The following ZDHHC19 variants were observed in gnomAD, a reference collection of about 807,000 sequenced individuals.
ZDHHC19 encodes the protein zDHHC palmitoyltransferase 19.
ZDHHC19 carries 30 observed loss-of-function variants against 33.9 expected under a neutral mutation model. That is an observed-to-expected ratio of 0.88 (90% CI 0.66 to 1.20). The LOEUF (loss-of-function observed/expected upper bound fraction) is 1.20. Ranked by LOEUF, ZDHHC19 falls within the 50% of genes most tolerant of loss-of-function variation. The pLI is 0.00. For synonymous variants in ZDHHC19, 178 were observed against 167.6 expected, an observed-to-expected ratio of 1.06 and a Z score of -0.48; for missense variants, 364 against 401.1, an observed-to-expected ratio of 0.91 and a Z score of 0.79.
intron 5 of ZDHHC19, among the ~76,000 whole-genome samples, chr3:196,206,360 T>A (rs1414674770): frequency 6.6e-6 from 1 of 152,116 alleles, no homozygotes; most frequent in Admixed American, 6.5e-5. Context: ...CCTGGGCATT[T>A]TTTTTTAAGA....
At position 196,207,408 on chromosome 3, in the gene ZDHHC19, T is replaced by G. The variant is rs1722824158; in HGVS notation, c.677A>C (p.Tyr226Ser). 1 of 1,562,684 alleles carries G rather than the reference T, an allele frequency of 6.4e-7. No individual in the cohort carries two copies. The highest frequency in any genetic ancestry group is 1.9e-5 in the Admixed American group (1 of 52,610). Reference protein sequence around the residue: ...ALSVSSADRTYKGKCRHLQGY... With the variant: ...ALSVSSADRTSKGKCRHLQGY... Reference sequence around the variant, plus strand: ...CGCGGCCCCGCGTACCTTGCCCTTGTAGGTGCGGTCGGCCGAGCTCACGGA... The same window carrying G: ...CGCGGCCCCGCGTACCTTGCCCTTGGAGGTGCGGTCGGCCGAGCTCACGGA... The change falls in exon 5 of 8, where the codon TAC (tyrosine) becomes TCC (serine). Residue 226 changes from tyrosine to serine, a missense_variant. Coordinates refer to ENST00000296326, the MANE Select transcript of ZDHHC19 (RefSeq NM_001039617.2).
chr3:196,211,112 TTC>T, intron 1 of ZDHHC19, 56 bp downstream of exon 1: 1 of 1,613,390 alleles, frequency 6.2e-7, no homozygotes, highest in Non-Finnish European at 8.5e-7. Context: ...TCCTATCATC[TTC>T]TGTTTCCCTG....
chr3:196,210,421 G>GGAAAGAAA (rs149833656), intron 2 of ZDHHC19, among the ~76,000 whole-genome samples, 195 bp downstream of exon 2: 4 of 132,798 alleles, frequency 3.0e-5, no homozygotes, highest in Non-Finnish European at 6.5e-5. Flanking sequence ...GAGGAAGGAA[G>GGAAAGAAA]GAAAGAAAGA....
At chr3:196,200,408 G>C (rs1288303857) in intron 5 of ZDHHC19, among the ~76,000 whole-genome samples, 5 of 144,038 alleles carry the variant, frequency 3.5e-5, no homozygotes, top group African/African-American at 5.1e-5. Context: ...AGGCTGGAGT[G>C]CAGTGGCGCG....
At chr3:196,206,687 T>TC (rs1560137078) in intron 5 of ZDHHC19, among the ~76,000 whole-genome samples, 6 of 144,180 alleles carry the variant, frequency 4.2e-5, no homozygotes, top group African/African-American at 1.5e-4. Context: ...TTCTTTTTTT[T>TC]TTTTTTTTTT....
At chr3:196,198,253 C>G in intron 7 of ZDHHC19, 23 bp downstream of exon 7, 1 of 1,479,534 alleles carries the variant, frequency 6.8e-7, no homozygotes, top group South Asian at 1.5e-5. Context: ...GCACAGACAC[C>G]CACGCACACA....
intron 2 of ZDHHC19, 129 bp downstream of exon 2, chr3:196,210,487 A>T: frequency 3.6e-6 from 4 of 1,114,454 alleles, no homozygotes; most frequent in Non-Finnish European, 5.2e-6. Context: ...GGGCCAGAGC[A>T]ATGAAGACGT....
chr3:196,210,261 AAGAAAAG>A (rs1264483091), intron 2 of ZDHHC19, among the ~76,000 whole-genome samples: 22 of 118,058 alleles, frequency 1.9e-4, no homozygotes, highest in Middle Eastern at 3.9e-3. Flanking sequence ...AAAAGAAAGA[AAGAAAAG>A]AGAAAGAAAG....
chr3:196,208,148 C>T (rs1309510330), intron 4 of ZDHHC19, among the ~76,000 whole-genome samples: 1 of 151,976 alleles, frequency 6.6e-6, no homozygotes, highest in Non-Finnish European at 1.5e-5. Context: ...ATCCTCCCGC[C>T]TCGGCCTCCC....
At chr3:196,201,504 C>T (rs1045196702) in intron 5 of ZDHHC19, among the ~76,000 whole-genome samples, 2 of 151,666 alleles carry the variant, frequency 1.3e-5, no homozygotes, top group Non-Finnish European at 2.9e-5. Context: ...GGGTGGATCA[C>T]TTGAGGCCAG....
intron 5 of ZDHHC19, among the ~76,000 whole-genome samples, chr3:196,204,307 T>C (rs1458589524): frequency 2.0e-5 from 3 of 152,106 alleles, no homozygotes; most frequent in Admixed American, 1.3e-4. Context: ...AAGAAATACA[T>C]ATAAATCTAA....
chr3:196,200,524 T>G (rs1202011099), intron 5 of ZDHHC19, among the ~76,000 whole-genome samples: 1 of 150,138 alleles, frequency 6.7e-6, no homozygotes, highest in African/African-American at 2.5e-5. Context: ...CCAGCTAATT[T>G]TTTGTATTTT....
chr3:196,198,635 G>A, intron 6 of ZDHHC19, 154 bp downstream of exon 6: 2 of 1,554,770 alleles, frequency 1.3e-6, no homozygotes, highest in Non-Finnish European at 8.7e-7. Context: ...CAAGGACGTA[G>A]GGAGGCCCCA....
intron 1 of ZDHHC19, 30 bp from the exon 2 acceptor site, chr3:196,210,767 C>G: frequency 6.2e-7 from 1 of 1,607,174 alleles, no homozygotes; most frequent in Non-Finnish European, 8.5e-7. Flanking sequence ...CGGTCCTGAG[C>G]AGGGGCAGCC....
At chr3:196,205,665 GT>G (rs1683978946) in intron 5 of ZDHHC19, among the ~76,000 whole-genome samples, 1 of 152,070 alleles carries the variant, frequency 6.6e-6, no homozygotes, top group Admixed American at 6.6e-5. Context: ...TTTTGTTTTG[GT>G]TTTTGTTTGT....
intron 5 of ZDHHC19, among the ~76,000 whole-genome samples, chr3:196,204,521 AAAC>A (rs1473485086): frequency 6.6e-6 from 1 of 152,238 alleles, no homozygotes; most frequent in African/African-American, 2.4e-5. Flanking sequence ...AATAATAAGG[AAAC>A]AATACAATTT....
rs963413877 is a variant in ZDHHC19 at position 196,198,266 on chromosome 3, C to T, written c.*19+10G>A. The T allele has an allele frequency of 6.0e-6, 9 of 1,490,262 alleles. No homozygotes were observed. Among genetic ancestry groups the T allele is most frequent in the Admixed American group, 2.4e-5 (1 of 41,802 alleles). The allele number at this position is 1,490,262 out of a possible 1,614,324, so 92.3% of individuals were successfully genotyped here. A position where few individuals can be genotyped will look rare whatever the true frequency, so the allele number is the denominator to read the frequency against. ...ACGCACAGACACCCACGCACACACACGCTTCTTACCTCCTGGAGAGCTGCA... is the reference window on the plus strand; with the variant it reads ...ACGCACAGACACCCACGCACACACATGCTTCTTACCTCCTGGAGAGCTGCA... On this transcript the variant is annotated intron_variant, in intron 7 of 7. Transcript: ENST00000296326.
At position 196,203,468 on chromosome 3, in the gene ZDHHC19, G is replaced by A. The variant is rs1003323583; in HGVS notation, c.687+3930C>T. Reference sequence around the variant, plus strand: ...TGCTGTGGAGCTGTGATGTGAACATGTGTGAACTGGATCCAGAGACCTTGC... The same window carrying A: ...TGCTGTGGAGCTGTGATGTGAACATATGTGAACTGGATCCAGAGACCTTGC... On this transcript the variant is annotated intron_variant, in intron 5 of 7. Transcript: ENST00000296326. The surrounding 1 kb of genome is among the most constrained non-coding windows in gnomAD (Gnocchi z 4.3). 6.6e-6 allele frequency among the ~76,000 whole-genome samples: 1 copy of A among 152,190 alleles called. No individual in the cohort carries two copies. The highest frequency in any genetic ancestry group is 6.5e-5 in the Admixed American group (1 of 15,280).
At chr3:196,198,245 A>G in intron 7 of ZDHHC19, 31 bp downstream of exon 7, 1 of 1,450,974 alleles carries the variant, frequency 6.9e-7, no homozygotes, top group Non-Finnish European at 9.1e-7. Flanking sequence ...CCCGACACGC[A>G]CAGACACCCA....
Sources: allele counts gnomAD v4.1 joint callset (sites outside exome capture counted in the v4.1 genomes callset), GRCh38; gene constraint gnomAD v4.1.1; non-coding constraint Gnocchi (gnomAD v3.1); transcripts MANE v1.5; gene names NCBI Gene and HGNC (gene_info 2026-07-23, HGNC 2026-07-21).